WNK2: variants seen among roughly 807,000 people sequenced by gnomAD.
The protein encoded by WNK2 is WNK lysine deficient protein kinase 2, also known as serine/threonine-protein kinase WNK2.
In WNK2, 67 loss-of-function variants were observed where a neutral mutation model predicts 192.1. That is an observed-to-expected ratio of 0.35 (90% CI 0.29 to 0.43). The LOEUF is 0.43. Ranked by LOEUF, WNK2 falls within the 20% of genes least tolerant of loss-of-function variation. The pLI, the probability that WNK2 is intolerant of heterozygous loss-of-function variation, is 1.00. For missense variants in WNK2, 2,698 were observed against 3,089.7 expected (o/e 0.87, Z 3.01); for synonymous variants, 1,439 against 1,393.9 (o/e 1.03, Z -0.72).
At chr9:93,236,709 G>T (rs1009841358) in intron 5 of WNK2, among the ~76,000 whole-genome samples, 1 of 152,026 alleles carries the variant, frequency 6.6e-6, no homozygotes, top group Non-Finnish European at 1.5e-5. Context: ...GCTGCCACCC[G>T]CACCCCCCCG....
chr9:93,205,309 T>A (rs775614583), intron 2 of WNK2, among the ~76,000 whole-genome samples: 1 of 152,168 alleles, frequency 6.6e-6, no homozygotes, highest in African/African-American at 2.4e-5. Context: ...GGCCACTGTG[T>A]GGGAAGGCCA....
intron 19 of WNK2, among the ~76,000 whole-genome samples, chr9:93,277,034 C>CAA (rs1165251343): frequency 8.6e-6 from 1 of 116,814 alleles, no homozygotes; most frequent in Non-Finnish European, 1.8e-5. Flanking sequence ...GACTCCGTCT[C>CAA]AAAAAAAAAA....
At chr9:93,204,007 C>G (rs1832936310) in intron 2 of WNK2, among the ~76,000 whole-genome samples, 1 of 151,974 alleles carries the variant, frequency 6.6e-6, no homozygotes, top group Admixed American at 6.6e-5. Context: ...GGGATGGCAT[C>G]CTTGGGAACG....
Position 93,300,081 on chromosome 9 carries a change from G to A in WNK2, c.6146G>A (p.Arg2049Lys), listed in dbSNP as rs1201468518. 6.2e-7 allele frequency: 1 copy of A among 1,613,440 alleles called. No homozygotes were observed. Among genetic ancestry groups the A allele is most frequent in the African/African-American group, 1.3e-5 (1 of 74,880 alleles). ...ACGGTTTACCACCCAACGTCTGAGAGAGTGACCTATAAGTCTAGTAGCAAA... is the reference window on the plus strand; with the variant it reads ...ACGGTTTACCACCCAACGTCTGAGAAAGTGACCTATAAGTCTAGTAGCAAA... The part of the protein sequence containing the change: ...GWTVYHPTSE[R>K]VTYKSSSKPR... Residue 2049 changes from arginine to lysine, a missense_variant, in exon 26 of 30, where the codon AGA (arginine) becomes AAA (lysine). By Grantham distance (26) the Arg-to-Lys change is conservative. Around this residue, in one of 7 missense-constraint regions of WNK2, gnomAD observed 29 missense variants for 55.6 expected, o/e 0.52. Transcript: ENST00000427277.
At chr9:93,192,859 C>G (rs141468569) in intron 2 of WNK2, among the ~76,000 whole-genome samples, 57 of 152,338 alleles carry the variant, frequency 3.7e-4, no homozygotes, top group Non-Finnish European at 7.8e-4. Flanking sequence ...GCTGGCTGGA[C>G]TTGCCCCTCA....
At chr9:93,221,796 G>A (rs1035800550) in intron 2 of WNK2, among the ~76,000 whole-genome samples, 1 of 152,138 alleles carries the variant, frequency 6.6e-6, no homozygotes, top group Non-Finnish European at 1.5e-5. Flanking sequence ...GAAGAGCCGC[G>A]TCGTGTCCAT....
In WNK2 at chr9:93,259,463, C is replaced by T. The variant is rs1245585074; in HGVS notation, c.2915C>T (p.Pro972Leu). The change falls in exon 12 of 30, where the codon CCC (proline) becomes CTC (leucine). Residue 972 changes from proline (P) to leucine (L), a missense_variant. Around this residue, in one of 7 missense-constraint regions of WNK2, gnomAD observed 893 missense variants for 909.0 expected, o/e 0.98. Coordinates refer to ENST00000427277, the MANE Select transcript of WNK2 (RefSeq NM_006648.4). The surrounding 1 kb of genome is among the most constrained non-coding windows in gnomAD (Gnocchi z 4.8). ...LPPQPVLPPQ[P>L]TRPPQPVLPP... Reference sequence around the variant, plus strand: ...CCTCAACCTGTGTTGCCCCCGCAACCCACACGGCCCCCTCAACCTGTGCTG... The same window carrying T: ...CCTCAACCTGTGTTGCCCCCGCAACTCACACGGCCCCCTCAACCTGTGCTG... 9 of 1,488,422 alleles carry T rather than the reference C, an allele frequency of 6.0e-6. No homozygotes were observed. Among genetic ancestry groups the T allele is most frequent in the East Asian group, 2.5e-5 (1 of 40,764 alleles). The allele number at this position is 1,488,422 out of a possible 1,614,324, so 92.2% of individuals were successfully genotyped here.
chr9:93,256,240 C>G, intron 9 of WNK2, 59 bp from the exon 10 acceptor site: 1 of 1,430,258 alleles, frequency 7.0e-7, no homozygotes, highest in Non-Finnish European at 9.2e-7. Context: ...TGCCCCTGCC[C>G]AGGAGGGGGC....
intron 2 of WNK2, among the ~76,000 whole-genome samples, chr9:93,198,586 G>A (rs62571713): frequency 0.19 from 28,947 of 152,106 alleles, 3,069 homozygotes; most frequent in African/African-American, 0.29. Flanking sequence ...ATGCTTCCTG[G>A]GGAAGATGAC....
Position 93,239,616 on chromosome 9 carries a change from C to T in WNK2, c.1323-141C>T. 2 of 650,144 alleles carry T rather than the reference C, an allele frequency of 3.1e-6. No homozygotes were observed. Among genetic ancestry groups the T allele is most frequent in the Non-Finnish European group, 2.6e-6 (1 of 379,580 alleles). 40.3% of individuals were successfully genotyped at this position (650,144 alleles called of 1,614,324 possible). On this transcript the variant is annotated intron_variant, in intron 6 of 29. Transcript: ENST00000427277. This position sits in a 1 kb window ranked among gnomAD's most constrained non-coding sequence, Gnocchi z 4.2. ...GGATTCACTGAAATCTTTTCTTTAC[C>T]CCTGGGAGTGCTGAGACATGAGGCC...
intron 28 of WNK2, among the ~76,000 whole-genome samples, chr9:93,312,836 G>A (rs1399123732): frequency 2.6e-5 from 4 of 152,120 alleles, no homozygotes; most frequent in African/African-American, 7.2e-5. Context: ...TGTGACTCCC[G>A]TAATGTTTTA....
At chr9:93,315,997 G>A (rs1385326211) in intron 28 of WNK2, 4 of 152,140 alleles carry the variant, frequency 2.6e-5, no homozygotes, top group Non-Finnish European at 4.4e-5. Flanking sequence ...TTGATGCAGA[G>A]GTAAATCTGT....
At chr9:93,235,837 C>T (rs367747069) in intron 5 of WNK2, among the ~76,000 whole-genome samples, 389 of 152,332 alleles carry the variant, frequency 2.6e-3, no homozygotes, top group African/African-American at 8.8e-3. Context: ...GCAGGTGCAC[C>T]AGGGGCTGTG....
chr9:93,199,982 G>A (rs1325187892), intron 2 of WNK2, among the ~76,000 whole-genome samples: 1 of 152,082 alleles, frequency 6.6e-6, no homozygotes, highest in Admixed American at 6.6e-5. Flanking sequence ...GTGTGTCCAG[G>A]GCAGCCCCAG....
Position 93,267,881 on chromosome 9 carries a change from C to T in WNK2, c.3832C>T (p.Pro1278Ser). ...DRGSDPGTSP[P>S]HLSTCGLGTG... is the part of the protein sequence containing the mutation. ...TGGCTCCGACCCAGGGACCAGCCCGCCACACCTCAGCACCTGCGGCCTGGG... is the reference window on the plus strand; with the variant it reads ...TGGCTCCGACCCAGGGACCAGCCCGTCACACCTCAGCACCTGCGGCCTGGG... Residue 1278 changes from proline to serine, a missense_variant, in exon 17 of 30, where the codon CCA becomes TCA. Transcript: ENST00000427277. 6.2e-7 allele frequency: 1 copy of T among 1,612,882 alleles called. No individual in the cohort carries two copies. The highest frequency in any genetic ancestry group is 8.5e-7 in the Non-Finnish European group (1 of 1,179,614).
chr9:93,212,230 T>C (rs977159215), intron 2 of WNK2, among the ~76,000 whole-genome samples: 2 of 152,242 alleles, frequency 1.3e-5, no homozygotes, highest in African/African-American at 4.8e-5. Flanking sequence ...TTTCATTCCC[T>C]TTCTTCCCAG....
intron 29 of WNK2, chr9:93,318,799 C>G (rs543254333): frequency 1.4e-6 from 2 of 1,410,382 alleles, no homozygotes; most frequent in African/African-American, 2.9e-5. Flanking sequence ...CAGTGGGACT[C>G]GTCCCCAGTG....
rs374533089 is a variant in WNK2 at position 93,308,734 on chromosome 9, G to T, written c.6516+150G>T. On this transcript the variant is annotated intron_variant, in intron 28 of 29. Coordinates refer to ENST00000427277, the MANE Select transcript of WNK2 (RefSeq NM_006648.4). ...TTCTCCCCACAGCCCCAAGAACTAG[G>T]CTTGTCCACTTTACAGATTGGGAGG... 8.6e-6 allele frequency: 12 copies of T among 1,388,330 alleles called. No individual in the cohort carries two copies. The East Asian group carries it at 2.8e-4, about 32-fold the overall frequency. The allele number at this position is 1,388,330 out of a possible 1,614,324, so 86.0% of individuals were successfully genotyped here.
chr9:93,260,063 C>T lies in WNK2; in HGVS notation c.3066+449C>T, dbSNP rs564513362. ...CAAGGAAGTGAGGCCGATAGCGGGG[C>T]AGGGGCTGGGGGCAGATGGCACTGC... On this transcript the variant is annotated intron_variant, in intron 12 of 29. Coordinates refer to ENST00000427277, the MANE Select transcript of WNK2 (RefSeq NM_006648.4). Among the ~76,000 whole-genome samples, 34 of 152,284 alleles carry T rather than the reference C, an allele frequency of 2.2e-4. 1 individual carries two copies. In the South Asian group the frequency reaches 6.6e-3, roughly 30 times the overall value.
Sources: gnomAD v4.1 joint callset for allele counts (sites outside exome capture counted in the v4.1 genomes callset) on GRCh38, gnomAD v4.1.1 for gene constraint, gnomAD v4.1.1 regional missense constraint, Gnocchi (gnomAD v3.1) non-coding constraint, MANE v1.5 for transcripts, NCBI Gene and HGNC (gene_info 2026-07-23, HGNC 2026-07-21) for gene names.